Variants in E2F6 observed in about 807,000 individuals in gnomAD.
E2F6 encodes the protein E2F transcription factor 6, also known as transcription factor E2F6.
E2F6 carries 19 observed loss-of-function variants against 31.5 expected under a neutral mutation model. The ratio of observed to expected loss-of-function variants is 0.60; its 90% CI spans 0.42 to 0.89. E2F6 has a LOEUF of 0.89. E2F6 is among the 40% of genes least tolerant of loss of function. The pLI is 0.00. For missense variants in E2F6, 269 were observed against 341.6 expected (o/e 0.79, Z 1.67); for synonymous variants, 121 against 127.7 (o/e 0.95, Z 0.36).
At chr2:11,455,946 G>C (rs139494034) in intron 2 of E2F6, among the ~76,000 whole-genome samples, 1,548 of 152,308 alleles carry the variant, frequency 0.01, 4 homozygotes, top group Middle Eastern at 0.031. Flanking sequence ...GTGACAGAGG[G>C]TGAGGGGCTG....
At chr2:11,456,473 C>T (rs1339175690) in intron 2 of E2F6, among the ~76,000 whole-genome samples, 2 of 152,130 alleles carry the variant, frequency 1.3e-5, no homozygotes, top group African/African-American at 4.8e-5. Flanking sequence ...GAGATTCAAC[C>T]CTGACTCTGA....
intron 1 of E2F6, among the ~76,000 whole-genome samples, chr2:11,464,071 G>A (rs1279815754): frequency 6.6e-6 from 1 of 151,796 alleles, no homozygotes; most frequent in East Asian, 1.9e-4. Flanking sequence ...CTCAAGGGAG[G>A]GTTTCTAACA....
chr2:11,457,045 G>C (rs377739956), intron 2 of E2F6, 134 bp downstream of exon 2: 7 of 703,078 alleles, frequency 1.0e-5, no homozygotes, highest in African/African-American at 7.3e-5. Flanking sequence ...ACTAAAACTT[G>C]CAACTTTACA....
Position 11,455,412 on chromosome 2 carries a change from C to T in E2F6, c.164-1614G>A. The T allele has an allele frequency of 2.3e-6, 3 of 1,282,940 alleles. 1 individual carries two copies. The South Asian group carries it at 3.9e-5, about 17-fold the overall frequency. The allele number at this position is 1,282,940 out of a possible 1,614,324, so 79.5% of individuals were successfully genotyped here. ...TTAGTTTAAAGACCACTGGCGGTTA[C>T]TTCAGGAACAAAGGTACATATTTCA... is the stretch of plus-strand genomic sequence containing the variant. On this transcript the variant is annotated intron_variant, in intron 2 of 6. Coordinates refer to ENST00000381525, the MANE Select transcript of E2F6 (RefSeq NM_198256.4).
At chr2:11,446,571 G>A in intron 6 of E2F6, 48 bp from the exon 7 acceptor site, 1 of 1,510,642 alleles carries the variant, frequency 6.6e-7, no homozygotes, top group Non-Finnish European at 9.2e-7. Flanking sequence ...ATACACCTAA[G>A]TGAAGGTCTG....
At chr2:11,462,915 G>A (rs1043846857) in intron 1 of E2F6, among the ~76,000 whole-genome samples, 3 of 152,182 alleles carry the variant, frequency 2.0e-5, no homozygotes, top group African/African-American at 7.2e-5. Flanking sequence ...CAGATGAGAG[G>A]GGACTAATAG....
intron 1 of E2F6, among the ~76,000 whole-genome samples, chr2:11,465,250 C>T (rs1380638325): frequency 6.7e-6 from 1 of 150,332 alleles, no homozygotes; most frequent in African/African-American, 2.4e-5. Context: ...GCCCTGATAA[C>T]CGCGGGGAAT....
chr2:11,465,325 A>G (rs1461038316), intron 1 of E2F6, among the ~76,000 whole-genome samples: 2 of 152,268 alleles, frequency 1.3e-5, no homozygotes, highest in East Asian at 3.9e-4. Flanking sequence ...AAATTTCCTA[A>G]CCATTTTCTC....
At chr2:11,448,199 A>G (rs537907017) in intron 5 of E2F6, among the ~76,000 whole-genome samples, 36 of 152,344 alleles carry the variant, frequency 2.4e-4, no homozygotes, top group African/African-American at 8.7e-4. Context: ...ATATATCTCA[A>G]GTAAAATGTC....
chr2:11,450,396 C>T (rs902748946), intron 4 of E2F6, among the ~76,000 whole-genome samples: 6 of 152,058 alleles, frequency 3.9e-5, no homozygotes, highest in African/African-American at 9.7e-5. Context: ...ATTATGATGG[C>T]AATTTCTGGA....
At chr2:11,455,501 G>A in intron 2 of E2F6, 1 of 1,283,912 alleles carries the variant, frequency 7.8e-7, no homozygotes, top group Non-Finnish European at 1.0e-6. Flanking sequence ...CGTAAATTAG[G>A]AATTTAAAAG....
Position 11,453,568 on chromosome 2 carries a change from T to C in E2F6, c.380+14A>G, listed in dbSNP as rs182971347. 1,770 of 1,612,042 alleles carry C rather than the reference T, an allele frequency of 1.1e-3. 2 individuals carry two copies. The highest frequency in any genetic ancestry group is 1.2e-3 in the Non-Finnish European group (1,441 of 1,178,936). On this transcript the variant is annotated intron_variant, in intron 3 of 6. Coordinates refer to ENST00000381525, the MANE Select transcript of E2F6 (RefSeq NM_198256.4). ...AAGGAACAAAAGCCACGAAAAAGTTTGAAAGCAACTCACATCCATCTAATA... is the reference window on the plus strand; with the variant it reads ...AAGGAACAAAAGCCACGAAAAAGTTCGAAAGCAACTCACATCCATCTAATA...
chr2:11,463,944 G>A (rs1010251724), intron 1 of E2F6, among the ~76,000 whole-genome samples: 1 of 96,768 alleles, frequency 1.0e-5, no homozygotes. Flanking sequence ...GTGAGATCCT[G>A]CACCGGGGGG....
chr2:11,453,817 A>G lies in E2F6; in HGVS notation c.164-19T>C, dbSNP rs376580781. The G allele has an allele frequency of 1.9e-6, 3 of 1,587,578 alleles. No homozygotes were observed. Among genetic ancestry groups the G allele is most frequent in the Admixed American group, 1.7e-5 (1 of 57,948 alleles). ...AGAGCTTCTGGGAAACAAAATAAAC[A>G]TATTTGTAAAATTTTAAATAACATT... On this transcript the variant is annotated intron_variant, in intron 2 of 6. Transcript: ENST00000381525.
chr2:11,453,948 ATCTCT>A, intron 2 of E2F6, 150 bp from the exon 3 acceptor site: 1 of 712,636 alleles, frequency 1.4e-6, no homozygotes, highest in Non-Finnish European at 2.3e-6. Flanking sequence ...TATGAAATAA[ATCTCT>A]TAAATTGGAG....
At chr2:11,458,280 CAGA>C in intron 1 of E2F6, 1 of 1,551,746 alleles carries the variant, frequency 6.4e-7, no homozygotes, top group Non-Finnish European at 8.7e-7. Context: ...AGGGAACTCA[CAGA>C]AGGATTCATG....
chr2:11,465,294 G>A (rs1468828872), intron 1 of E2F6, among the ~76,000 whole-genome samples: 1 of 152,014 alleles, frequency 6.6e-6, no homozygotes, highest in Non-Finnish European at 1.5e-5. Context: ...GAAGAAATCA[G>A]CCTTTGCAGG....
Position 11,465,812 on chromosome 2 carries a change from C to T in E2F6, c.68G>A (p.Arg23His), listed in dbSNP as rs1470516866. Residue 23 changes from arginine to histidine, a missense_variant, in exon 1 of 7, where the codon CGC becomes CAC. Coordinates refer to ENST00000381525, the MANE Select transcript of E2F6 (RefSeq NM_198256.4). Reference sequence around the variant, plus strand: ...GTTGATGGGGTCTCGGCACCGACGGCGAACCGTCTCCTCCGTCGGGTCCAG... The same window carrying T: ...GTTGATGGGGTCTCGGCACCGACGGTGAACCGTCTCCTCCGTCGGGTCCAG... ...LLLDPTEETV[R>H]RRCRDPINVE... is the part of the protein sequence containing the mutation. The T allele has an allele frequency of 1.3e-6, 2 of 1,599,402 alleles. No individual in the cohort carries two copies. Among genetic ancestry groups the T allele is most frequent in the Non-Finnish European group, 8.5e-7 (1 of 1,173,964 alleles).
intron 1 of E2F6, among the ~76,000 whole-genome samples, chr2:11,463,116 G>T (rs1297588860): frequency 6.6e-6 from 1 of 152,138 alleles, no homozygotes; most frequent in African/African-American, 2.4e-5. Context: ...TTTTTATCAC[G>T]TTCTCAAATA....
Sources: allele counts gnomAD v4.1 joint callset (sites outside exome capture counted in the v4.1 genomes callset), GRCh38; gene constraint gnomAD v4.1.1; transcripts MANE v1.5; gene names NCBI Gene and HGNC (gene_info 2026-07-23, HGNC 2026-07-21).